SSTR3: variants seen among roughly 807,000 people sequenced by gnomAD.
The protein encoded by SSTR3 is somatostatin receptor 3, also known as somatostatin receptor type 3.
For missense variants in SSTR3, 504 were observed against 604.7 expected (o/e 0.83, Z 1.75); for synonymous variants, 281 against 269.2 (o/e 1.04, Z -0.43).
chr22:37,216,357 C>T (rs528592963), upstream of SSTR3, among the ~76,000 whole-genome samples: 98 of 152,248 alleles, frequency 6.4e-4, 1 homozygote, highest in East Asian at 7.7e-4. Context: ...ACATTTCTTA[C>T]GCACTCTCAC....
At position 37,212,046 on chromosome 22, in the gene SSTR3, A is replaced by G; in HGVS notation, c.-258T>C. On this transcript the variant is annotated 5_prime_UTR_variant, in exon 1 of 2. Coordinates refer to ENST00000610913, the MANE Select transcript of SSTR3 (RefSeq NM_001051.5). ...TCTGGTCTCCGGCCCTGACTTCCCA[A>G]CCAGAGCCTGGTACGTCACCCCCCA... 1 of 985,444 alleles carries G rather than the reference A, an allele frequency of 1.0e-6. No homozygotes were observed. 61.0% of individuals were successfully genotyped at this position (985,444 alleles called of 1,614,324 possible).
At chr22:37,213,762 C>G (rs1330906027), upstream of SSTR3, among the ~76,000 whole-genome samples, 1 of 152,170 alleles carries the variant, frequency 6.6e-6, no homozygotes, top group African/African-American at 2.4e-5. Flanking sequence ...CGGCTTCTCA[C>G]TGCCCTCAGA....
chr22:37,209,828 C>T (rs999514235), intron 1 of SSTR3, among the ~76,000 whole-genome samples: 6 of 152,244 alleles, frequency 3.9e-5, no homozygotes, highest in Admixed American at 6.5e-5. Context: ...AGCTGGCATC[C>T]GCTTTCCCAG....
intron 1 of SSTR3, among the ~76,000 whole-genome samples, 163 bp from the exon 2 acceptor site, chr22:37,208,002 C>T (rs545913955): frequency 3.3e-5 from 5 of 152,298 alleles, no homozygotes; most frequent in African/African-American, 7.2e-5. Context: ...TCATTCACCC[C>T]GCACAGCCCC....
chr22:37,217,298 C>T (rs114307628), upstream of SSTR3, among the ~76,000 whole-genome samples: 1,825 of 150,704 alleles, frequency 0.012, 36 homozygotes, highest in African/African-American at 0.042. Flanking sequence ...TAATCCCAAT[C>T]CATTGTGTAA....
In SSTR3 at chr22:37,206,233, T is replaced by G. The variant is rs1032046161; in HGVS notation, c.*314A>C. On this transcript the variant is annotated 3_prime_UTR_variant, in exon 2 of 2. Transcript: ENST00000610913. ...TTGATGCCCCAAGACACTCCATCCC[T>G]GGGGGGAGGCCAGTCTGCACCCACC... 9.5e-6 allele frequency: 3 copies of G among 315,380 alleles called. No individual in the cohort carries two copies. The highest frequency in any genetic ancestry group is 1.7e-5 in the Non-Finnish European group (3 of 172,630). The allele number at this position is 315,380 out of a possible 1,614,324, so 19.5% of individuals were successfully genotyped here.
At chr22:37,213,207 C>T (rs148619022), upstream of SSTR3, among the ~76,000 whole-genome samples, 1 of 152,152 alleles carries the variant, frequency 6.6e-6, no homozygotes, top group Non-Finnish European at 1.5e-5. Context: ...GGGATTTGCC[C>T]CGTGGGCCAT....
intron 1 of SSTR3, among the ~76,000 whole-genome samples, chr22:37,209,890 C>A (rs543506302): frequency 4.3e-4 from 65 of 152,314 alleles, no homozygotes; most frequent in African/African-American, 1.4e-3. Flanking sequence ...GCCTAATGGA[C>A]CTTAGAGATC....
upstream of SSTR3, among the ~76,000 whole-genome samples, chr22:37,216,276 A>AT (rs1926441913): frequency 7.2e-6 from 1 of 138,252 alleles, no homozygotes; most frequent in Non-Finnish European, 1.5e-5. Flanking sequence ...TATCATATTG[A>AT]TTTTTTTATG....
chr22:37,219,941 T>G, the SSTR3 span, among the ~76,000 whole-genome samples: 1 of 152,132 alleles, frequency 6.6e-6, no homozygotes, highest in African/African-American at 2.4e-5. Flanking sequence ...TTCATTAAAG[T>G]CCATTCTTTC....
upstream of SSTR3, among the ~76,000 whole-genome samples, chr22:37,217,261 G>T (rs1219769784): frequency 6.6e-6 from 1 of 152,084 alleles, no homozygotes; most frequent in Non-Finnish European, 1.5e-5. Flanking sequence ...GGCGTCTGTC[G>T]GTGTCTCCAG....
rs34305075 is a variant in SSTR3 at position 37,210,858 on chromosome 22, C to T, written c.-37+967G>A. Reference sequence around the variant, plus strand: ...CCCTGAATGATTTATTTCTTAACCCCAGAACCTAGGACATCACCCAGAACA... The same window carrying T: ...CCCTGAATGATTTATTTCTTAACCCTAGAACCTAGGACATCACCCAGAACA... On this transcript the variant is annotated intron_variant, in intron 1 of 1. Coordinates refer to ENST00000610913, the MANE Select transcript of SSTR3 (RefSeq NM_001051.5). The T allele has an allele frequency of 2.6e-5, 26 of 985,320 alleles. No individual in the cohort carries two copies. The East Asian group carries it at 5.7e-4, about 21-fold the overall frequency. The allele number at this position is 985,320 out of a possible 1,614,324, so 61.0% of individuals were successfully genotyped here.
chr22:37,208,985 C>A (rs924142328), intron 1 of SSTR3, among the ~76,000 whole-genome samples: 1 of 152,160 alleles, frequency 6.6e-6, no homozygotes, highest in South Asian at 2.1e-4. Context: ...GATGCAGGAG[C>A]CTCCTCTGGG....
Position 37,206,356 on chromosome 22 carries a change from A to C in SSTR3, c.*191T>G, listed in dbSNP as rs192018054. On this transcript the variant is annotated 3_prime_UTR_variant, in exon 2 of 2. Coordinates refer to ENST00000610913, the MANE Select transcript of SSTR3 (RefSeq NM_001051.5). The stretch of plus-strand genomic sequence containing the variant: ...CTGATGACTCCTATCCCTGAGTCAC[A>C]GAGGAGAAAACAAGGCCCAGAGAGT... 5.5e-5 allele frequency: 45 copies of C among 818,614 alleles called. No homozygotes were observed. In the East Asian group the frequency reaches 1.2e-3, roughly 21 times the overall value. 50.7% of individuals were successfully genotyped at this position (818,614 alleles called of 1,614,324 possible).
rs86582 is a variant in SSTR3, at chr22:37,207,351, C to T, written c.453G>A (p.Ser151=). 378,919 of 1,605,814 alleles carry T rather than the reference C, an allele frequency of 0.24. 50,970 individuals carry two copies. Among genetic ancestry groups the T allele is most frequent in the East Asian group, 0.59 (26,468 of 44,782 alleles). Residue 151 remains serine (S), a synonymous_variant, in exon 2 of 2, where the codon TCG becomes TCA. Transcript: ENST00000610913. The stretch of plus-strand genomic sequence containing the variant: ...CCACCGGAGCTGTGCGCCAGCGGGC[C>T]GAGCGGGTGGGATGTACCACGGCCA... ...RYLAVVHPTR[S]ARWRTAPVAR... is the part of the protein sequence containing the mutation.
upstream of SSTR3, among the ~76,000 whole-genome samples, chr22:37,214,236 C>T (rs1489295414): frequency 6.6e-6 from 1 of 152,220 alleles, no homozygotes; most frequent in Admixed American, 6.5e-5. Flanking sequence ...ATATTGATTT[C>T]TCTGCACTAA....
chr22:37,216,384 C>T (rs1926446141), upstream of SSTR3, among the ~76,000 whole-genome samples: 1 of 152,210 alleles, frequency 6.6e-6, no homozygotes, highest in South Asian at 2.1e-4. Context: ...TCCCCATCTT[C>T]TCAATATGAG....
At chr22:37,215,243 C>T (rs918144893), upstream of SSTR3, among the ~76,000 whole-genome samples, 3 of 151,882 alleles carry the variant, frequency 2.0e-5, no homozygotes, top group African/African-American at 7.3e-5. Context: ...TTTTACATAC[C>T]CATGGTAATT....
chr22:37,207,972 G>A, intron 1 of SSTR3, 133 bp from the exon 2 acceptor site: 2 of 1,340,000 alleles, frequency 1.5e-6, no homozygotes, highest in Non-Finnish European at 1.9e-6. Flanking sequence ...GAAGATGGGA[G>A]GTGCTTAGCA....
Sources: gnomAD v4.1 joint callset for allele counts (sites outside exome capture counted in the v4.1 genomes callset) on GRCh38, gnomAD v4.1.1 for gene constraint, MANE v1.5 for transcripts, NCBI Gene and HGNC (gene_info 2026-07-23, HGNC 2026-07-21) for gene names.